The following CTNNA2 variants were observed in gnomAD, a reference collection of about 807,000 sequenced individuals.
The protein encoded by CTNNA2 is catenin alpha-2.
A neutral mutation model predicts 101.0 loss-of-function variants in CTNNA2; 42 were observed. The observed-to-expected ratio is 0.42, with a 90% confidence interval of 0.32 to 0.54. The LOEUF (loss-of-function observed/expected upper bound fraction) is 0.54. CTNNA2 is among the 20% of genes least tolerant of loss of function. The pLI is 0.14. For missense variants in CTNNA2, 871 were observed against 1,223.1 expected (o/e 0.71, Z 4.29); for synonymous variants, 450 against 456.4 (o/e 0.99, Z 0.18).
At chr2:79,502,114 G>A (rs1020983635) in intron 4 of CTNNA2, among the ~76,000 whole-genome samples, 1 of 151,860 alleles carries the variant, frequency 6.6e-6, no homozygotes, top group Non-Finnish European at 1.5e-5. Context: ...GCAAACACCT[G>A]GGGCACAAGT....
At chr2:79,411,344 T>A (rs1678407701) in intron 4 of CTNNA2, among the ~76,000 whole-genome samples, 1 of 152,058 alleles carries the variant, frequency 6.6e-6, no homozygotes, top group Non-Finnish European at 1.5e-5. Flanking sequence ...TTCTGCTAGC[T>A]TTTGAATGTG....
At chr2:79,214,703 G>T (rs1174415381) in intron 2 of CTNNA2, among the ~76,000 whole-genome samples, 1 of 152,072 alleles carries the variant, frequency 6.6e-6, no homozygotes, top group African/African-American at 2.4e-5. Flanking sequence ...GGAGGCTTTG[G>T]GTTGGGGAAA....
intron 7 of CTNNA2, among the ~76,000 whole-genome samples, chr2:80,220,481 G>A (rs970157901): frequency 1.3e-5 from 2 of 152,172 alleles, no homozygotes; most frequent in Admixed American, 6.5e-5. Context: ...TAGCACTTTG[G>A]GAGGCCAAGA....
chr2:79,990,797 T>C (rs1332886832), intron 7 of CTNNA2, among the ~76,000 whole-genome samples: 3 of 152,314 alleles, frequency 2.0e-5, no homozygotes, highest in South Asian at 2.1e-4. Context: ...CCTCATAAAA[T>C]GAGTTAGGGA....
At chr2:80,262,517 C>T (rs908325652) in intron 7 of CTNNA2, among the ~76,000 whole-genome samples, 16 of 152,160 alleles carry the variant, frequency 1.1e-4, no homozygotes, top group Non-Finnish European at 2.9e-5. Flanking sequence ...GCTGCTGCTT[C>T]TCCTTTCACT....
At chr2:79,792,131 G>A (rs1341912545) in intron 3 of CTNNA2, among the ~76,000 whole-genome samples, 3 of 152,206 alleles carry the variant, frequency 2.0e-5, no homozygotes, top group South Asian at 2.1e-4. Context: ...AAATATAGCC[G>A]TGTAGGTGAC....
At chr2:80,358,391 C>T (rs1194503880) in intron 7 of CTNNA2, among the ~76,000 whole-genome samples, 1 of 141,144 alleles carries the variant, frequency 7.1e-6, no homozygotes, top group African/African-American at 2.6e-5. Context: ...GGTCTTGTCA[C>T]CAAGGCTGGA....
intron 7 of CTNNA2, among the ~76,000 whole-genome samples, chr2:80,270,265 C>G (rs1003585176): frequency 3.9e-5 from 6 of 152,260 alleles, no homozygotes; most frequent in African/African-American, 1.4e-4. Context: ...CCAAACTGTA[C>G]TAAATCCTCT....
intron 7 of CTNNA2, among the ~76,000 whole-genome samples, chr2:80,221,844 G>C (rs1562050): frequency 0.66 from 100,307 of 152,134 alleles, 33,969 homozygotes; most frequent in African/African-American, 0.82. Flanking sequence ...GATCCTTTTG[G>C]TAGGATGCTT....
chr2:80,358,145 G>A (rs903583627), intron 7 of CTNNA2, among the ~76,000 whole-genome samples: 2 of 152,062 alleles, frequency 1.3e-5, no homozygotes, highest in Non-Finnish European at 2.9e-5. Flanking sequence ...CCTATTCACA[G>A]GAGCGATGTG....
intron 1 of CTNNA2, among the ~76,000 whole-genome samples, chr2:79,552,901 AC>A (rs933771642): frequency 2.6e-5 from 4 of 152,232 alleles, no homozygotes; most frequent in Admixed American, 6.5e-5. Flanking sequence ...AGGGGCTGCC[AC>A]AAAAGTCTTT....
intron 7 of CTNNA2, among the ~76,000 whole-genome samples, chr2:80,329,448 G>T (rs1671126329): frequency 6.6e-6 from 1 of 152,156 alleles, no homozygotes; most frequent in Non-Finnish European, 1.5e-5. Flanking sequence ...TGAATGGAAA[G>T]GTTGTATAGA....
chr2:79,722,123 T>C (rs1044240598), intron 2 of CTNNA2, among the ~76,000 whole-genome samples: 1 of 152,314 alleles, frequency 6.6e-6, no homozygotes, highest in Non-Finnish European at 1.5e-5. Flanking sequence ...CACTGATTCA[T>C]TCATTCAGCT....
intron 7 of CTNNA2, among the ~76,000 whole-genome samples, chr2:80,135,123 A>T (rs562986721): frequency 4.6e-4 from 70 of 152,276 alleles, no homozygotes; most frequent in Admixed American, 1.6e-3. Context: ...AAAGAGTTTC[A>T]CAGACAGTCT....
chr2:79,999,337 C>G (rs1309349925), intron 7 of CTNNA2, among the ~76,000 whole-genome samples: 3 of 152,220 alleles, frequency 2.0e-5, no homozygotes, highest in African/African-American at 4.8e-5. Context: ...ATCTAGCCAC[C>G]ATAGTTGTTT....
intron 7 of CTNNA2, among the ~76,000 whole-genome samples, chr2:80,063,077 T>C: frequency 6.6e-6 from 1 of 152,234 alleles, no homozygotes; most frequent in Non-Finnish European, 1.5e-5. Context: ...TCAAGTAAGC[T>C]GCATTCTCTC....
At chr2:80,246,651 C>G (rs1322269654) in intron 7 of CTNNA2, among the ~76,000 whole-genome samples, 6 of 152,148 alleles carry the variant, frequency 3.9e-5, no homozygotes, top group African/African-American at 1.4e-4. Context: ...CAGGACATGT[C>G]ATAAATTTGA....
Position 80,391,250 on chromosome 2 carries a change from C to A in CTNNA2, c.1057-1961C>A, listed in dbSNP as rs114650666. ...TATACTCCCTCTCTCCCTCTTCACT[C>A]TGTTCACACCAGTCCCAGGCCCATT... On this transcript the variant is annotated intron_variant, in intron 7 of 18. Transcript: ENST00000402739. Among the ~76,000 whole-genome samples, 942 of 152,184 alleles carry A rather than the reference C, an allele frequency of 6.2e-3. 8 individuals carry two copies. Among genetic ancestry groups the A allele is most frequent in the Middle Eastern group, 0.02 (6 of 294 alleles).
intron 18 of CTNNA2, among the ~76,000 whole-genome samples, chr2:80,635,833 A>G (rs1281402046): frequency 6.6e-6 from 1 of 152,104 alleles, no homozygotes; most frequent in East Asian, 1.9e-4. Flanking sequence ...AAAGGACCTG[A>G]TTGATTGGGC....
Sources: gnomAD v4.1 joint callset for allele counts (sites outside exome capture counted in the v4.1 genomes callset) on GRCh38, gnomAD v4.1.1 for gene constraint, MANE v1.5 for transcripts, NCBI Gene and HGNC (gene_info 2026-07-23, HGNC 2026-07-21) for gene names.